The following MPRIP variants were observed in gnomAD, a reference collection of about 807,000 sequenced individuals.
The protein encoded by MPRIP is myosin phosphatase Rho-interacting protein.
MPRIP carries 59 observed loss-of-function variants against 234.9 expected under a neutral mutation model. The observed-to-expected ratio is 0.25, with a 90% CI of 0.20 to 0.31. MPRIP has a LOEUF of 0.31. Ranked by LOEUF, MPRIP falls within the 10% of genes least tolerant of loss-of-function variation. The pLI is 1.00. For missense variants in MPRIP, 2,436 were observed against 3,071.0 expected, an observed-to-expected ratio of 0.79 and a Z score of 4.89; for synonymous variants, 1,144 against 1,263.9, an observed-to-expected ratio of 0.91 and a Z score of 2.01.
At chr17:17,096,957 A>G (rs1367184234) in intron 3 of MPRIP, 1 of 378,396 alleles carries the variant, frequency 2.6e-6, no homozygotes, top group African/African-American at 2.1e-5. Flanking sequence ...CGCAGGGAGC[A>G]TAAGCACTGA....
At position 17,171,817 on chromosome 17, in the gene MPRIP, G is replaced by A; in HGVS notation, c.6424G>A (p.Glu2142Lys). The A allele has an allele frequency of 1.2e-6, 2 of 1,613,648 alleles. No homozygotes were observed. The highest frequency in any genetic ancestry group is 1.7e-6 in the Non-Finnish European group (2 of 1,180,024). ...QHQRELEKLR[E>K]EKDRLLAEET... ...CCAGCGGGAGCTAGAGAAACTTCGA[G>A]AAGAGAAAGACCGCCTCCTAGCCGA... Residue 2142 changes from glutamate (E) to lysine (K), a missense_variant, in exon 17 of 24, where the codon GAA becomes AAA. By Grantham distance (56) the Glu-to-Lys change is moderately conservative (BLOSUM62 1). Around this residue, in one of 4 missense-constraint regions of MPRIP, gnomAD observed 1,998 missense variants for 2,520.3 expected, o/e 0.79. Transcript: ENST00000651222.
intron 14 of MPRIP, 82 bp downstream of exon 14, chr17:17,159,084 G>T: frequency 7.0e-7 from 1 of 1,432,950 alleles, no homozygotes; most frequent in South Asian, 1.3e-5. Context: ...GGCCTGAGGG[G>T]TTCATCTAGA....
In MPRIP at chr17:17,150,156, G is replaced by C; in HGVS notation, c.1642G>C (p.Asp548His). 7.4e-6 allele frequency: 12 copies of C among 1,613,666 alleles called. No homozygotes were observed. Among genetic ancestry groups the C allele is most frequent in the Non-Finnish European group, 1.0e-5 (12 of 1,179,806 alleles). The part of the protein sequence containing the change: ...DSVAEEAADL[D>H]GEIDLSACYD... ...CTTCCCTCGGCAGGCAGCCGACTTG[G>C]ATGGAGAAATTGACTTGTCCGCATG... Residue 548 changes from aspartate to histidine, a missense_variant, in exon 12 of 24, where the codon GAT becomes CAT. Physicochemically the swap from Asp to His is moderately conservative, Grantham distance 81 (BLOSUM62 -1). Transcript: ENST00000651222.
At chr17:17,110,641 G>A (rs1290920562) in intron 3 of MPRIP, among the ~76,000 whole-genome samples, 2 of 152,176 alleles carry the variant, frequency 1.3e-5, no homozygotes, top group Non-Finnish European at 2.9e-5. Flanking sequence ...CATCAACAGT[G>A]ATCAGTCGTG....
chr17:17,104,447 G>T (rs544821408), intron 3 of MPRIP, among the ~76,000 whole-genome samples: 11 of 152,262 alleles, frequency 7.2e-5, no homozygotes, highest in African/African-American at 2.4e-4. Flanking sequence ...AGGAGATGTG[G>T]CATGAAGGGT....
At chr17:17,118,242 C>G (rs1347873135) in intron 3 of MPRIP, among the ~76,000 whole-genome samples, 1 of 152,264 alleles carries the variant, frequency 6.6e-6, no homozygotes, top group Non-Finnish European at 1.5e-5. Flanking sequence ...GGAGCCTGAT[C>G]TAACAAATCA....
chr17:17,125,378 C>G (rs1385011279), intron 3 of MPRIP, among the ~76,000 whole-genome samples: 1 of 152,238 alleles, frequency 6.6e-6, no homozygotes, highest in Non-Finnish European at 1.5e-5. Context: ...AGTCCAGAGA[C>G]CCCACAAGGA....
chr17:17,180,111 T>C (rs367980744), intron 23 of MPRIP, 23 bp downstream of exon 23: 14 of 1,546,290 alleles, frequency 9.1e-6, no homozygotes, highest in Middle Eastern at 1.7e-4. Flanking sequence ...TCCAGCCCCC[T>C]GGTGGGAGGG....
In MPRIP at chr17:17,166,674, C is replaced by T. The variant is rs1047530398; in HGVS notation, c.5083C>T (p.Arg1695Trp). The change falls in exon 16 of 24, where the codon CGG becomes TGG. Residue 1695 changes from arginine to tryptophan, a missense_variant. Physicochemically the swap from Arg to Trp is moderately radical, Grantham distance 101. Coordinates refer to ENST00000651222, the MANE Select transcript of MPRIP (RefSeq NM_001364716.4). The surrounding 1 kb of genome is among the most constrained non-coding windows in gnomAD (Gnocchi z 4.4). ...RRLQSIQETL[R>W]GTQTALRQHK... ...GCTACAGAGCATCCAGGAGACCCTG[C>T]GGGGCACCCAGACGGCCCTGCGGCA... 7.7e-6 allele frequency: 10 copies of T among 1,303,966 alleles called. No individual in the cohort carries two copies. Among genetic ancestry groups the T allele is most frequent in the Admixed American group, 2.3e-5 (1 of 43,562 alleles). The allele number at this position is 1,303,966 out of a possible 1,614,324, so 80.8% of individuals were successfully genotyped here.
chr17:17,063,847 G>A (rs2143947472), intron 1 of MPRIP, among the ~76,000 whole-genome samples: 1 of 152,348 alleles, frequency 6.6e-6, no homozygotes, highest in Middle Eastern at 3.4e-3. Flanking sequence ...CATCAGTGGT[G>A]GCAGCTTGAC....
chr17:17,142,883 C>T (rs754581310), intron 8 of MPRIP, 118 bp downstream of exon 8: 410 of 1,141,412 alleles, frequency 3.6e-4, no homozygotes, highest in Non-Finnish European at 4.9e-4. Context: ...GGCTTCTCTC[C>T]AACCACCTCC....
intron 3 of MPRIP, among the ~76,000 whole-genome samples, chr17:17,100,795 G>A (rs1852579504): frequency 6.6e-6 from 1 of 152,150 alleles, no homozygotes; most frequent in Admixed American, 6.6e-5. Context: ...TAGAAATAAA[G>A]TGCACAGTAA....
intron 3 of MPRIP, among the ~76,000 whole-genome samples, chr17:17,120,376 AT>A (rs1159045861): frequency 2.0e-5 from 3 of 152,106 alleles, no homozygotes; most frequent in African/African-American, 7.2e-5. Flanking sequence ...TAGCAGTATT[AT>A]CCTAACCCAG....
chr17:17,120,063 T>G (rs1214423059), intron 3 of MPRIP, among the ~76,000 whole-genome samples: 1 of 152,124 alleles, frequency 6.6e-6, no homozygotes, highest in Non-Finnish European at 1.5e-5. Flanking sequence ...AAAGCCTTTG[T>G]TTCTTGGGTC....
Position 17,165,980 on chromosome 17 carries a change from A to G in MPRIP, c.4389A>G (p.Gly1463=). Residue 1463 remains glycine (G), a synonymous_variant, in exon 16 of 24, where the codon GGA becomes GGG. Transcript: ENST00000651222. ...CCAGGAGGGTTGAAGGGCATGTTGG[A>G]GAGCTTGGGGACTTCCAGGTCAAGA... is the stretch of plus-strand genomic sequence containing the variant. The part of the protein sequence containing the change: ...ERARRVEGHV[G]ELGDFQVKNS... 1 of 1,304,256 alleles carries G rather than the reference A, an allele frequency of 7.7e-7. No homozygotes were observed. Among genetic ancestry groups the G allele is most frequent in the Non-Finnish European group, 1.0e-6 (1 of 988,924 alleles). 80.8% of individuals were successfully genotyped at this position (1,304,256 alleles called of 1,614,324 possible).
At chr17:17,063,277 A>T (rs550861729) in intron 1 of MPRIP, among the ~76,000 whole-genome samples, 12 of 152,240 alleles carry the variant, frequency 7.9e-5, no homozygotes, top group African/African-American at 2.4e-4. Flanking sequence ...ACTTGTGTTT[A>T]TTTATTTGGT....
chr17:17,165,189 A>C lies in MPRIP; in HGVS notation c.3598A>C (p.Ser1200Arg). Residue 1200 changes from serine (S) to arginine (R), a missense_variant, in exon 16 of 24, where the codon AGC becomes CGC. By Grantham distance (110) the Ser-to-Arg change is moderately radical. Around this residue, in one of 4 missense-constraint regions of MPRIP, gnomAD observed 1,998 missense variants for 2,520.3 expected, o/e 0.79. Transcript: ENST00000651222. ...TTTGGTTAAAATGGTTGCCTTGGGG[A>C]GCAGCTTAGAGGAAACAGAAATTAA... ...EALVKMVALG[S>R]SLEETEIKLQ... 1 of 1,304,178 alleles carries C rather than the reference A, an allele frequency of 7.7e-7. No homozygotes were observed. Among genetic ancestry groups the C allele is most frequent in the Non-Finnish European group, 1.0e-6 (1 of 988,956 alleles). The allele number at this position is 1,304,178 out of a possible 1,614,324, so 80.8% of individuals were successfully genotyped here. A position where few individuals can be genotyped will look rare whatever the true frequency, so the allele number is the denominator to read the frequency against.
Position 17,165,755 on chromosome 17 carries a change from C to G in MPRIP, c.4164C>G (p.Thr1388=). The G allele has an allele frequency of 2.3e-6, 3 of 1,304,834 alleles. No homozygotes were observed. The highest frequency in any genetic ancestry group is 3.0e-6 in the Non-Finnish European group (3 of 988,980). The allele number at this position is 1,304,834 out of a possible 1,614,324, so 80.8% of individuals were successfully genotyped here. The change falls in exon 16 of 24, where the codon ACC becomes ACG. Residue 1388 remains threonine, a synonymous_variant. Transcript: ENST00000651222. ...TYLSIIHSLE[T]KLYVTEEKLK... is the part of the protein sequence containing the mutation. The stretch of plus-strand genomic sequence containing the variant: ...TCTCCATCATCCACTCCCTGGAGAC[C>G]AAGCTCTACGTCACAGAGGAAAAGC...
At position 17,173,992 on chromosome 17, in the gene MPRIP, C is replaced by T; in HGVS notation, c.6667C>T (p.His2223Tyr). 1 of 1,613,774 alleles carries T rather than the reference C, an allele frequency of 6.2e-7. No homozygotes were observed. Among genetic ancestry groups the T allele is most frequent in the Non-Finnish European group, 8.5e-7 (1 of 1,180,048 alleles). The change falls in exon 19 of 24, where the codon CAT (histidine) becomes TAT (tyrosine). Residue 2223 changes from histidine (H) to tyrosine (Y), a missense_variant. Around this residue, in one of 4 missense-constraint regions of MPRIP, gnomAD observed 1,998 missense variants for 2,520.3 expected, o/e 0.79. Transcript: ENST00000651222. ...CTCGCAGAAGTGCCTGGAGAATGCC[C>T]ATCTGGCCCAGGCGCTGGAGGCCGA... ...QYSQKCLENA[H>Y]LAQALEAERQ...
Sources: gnomAD v4.1 joint callset for allele counts (sites outside exome capture counted in the v4.1 genomes callset) on GRCh38, gnomAD v4.1.1 for gene constraint, gnomAD v4.1.1 regional missense constraint, Gnocchi (gnomAD v3.1) non-coding constraint, MANE v1.5 for transcripts, NCBI Gene and HGNC (gene_info 2026-07-23, HGNC 2026-07-21) for gene names.